Variants in SLX4IP observed in about 807,000 individuals in gnomAD.
The protein encoded by SLX4IP is SLX4 interacting protein.
SLX4IP carries 34 observed loss-of-function variants against 32.9 expected under a neutral mutation model. That is an observed-to-expected ratio of 1.03 (90% CI 0.79 to 1.38). The LOEUF is 1.38. Among genes scored for constraint, SLX4IP ranks in the 40% most tolerant of loss-of-function variants. The pLI is 0.00. For synonymous variants in SLX4IP, 172 were observed against 171.7 expected (o/e 1.00, Z -0.01); for missense variants, 444 against 479.0 (o/e 0.93, Z 0.68).
chr20:10,478,474 T>C (rs1483658256), intron 2 of SLX4IP, among the ~76,000 whole-genome samples: 1 of 152,210 alleles, frequency 6.6e-6, no homozygotes. Context: ...AGGCATATGC[T>C]TTGATGAAGA....
At chr20:10,510,267 T>C (rs1187248907) in intron 2 of SLX4IP, among the ~76,000 whole-genome samples, 2 of 152,252 alleles carry the variant, frequency 1.3e-5, no homozygotes, top group Non-Finnish European at 2.9e-5. Flanking sequence ...ATACTACATC[T>C]GTCATGTCTG....
chr20:10,598,589 T>A, intron 4 of SLX4IP, 86 bp from the exon 5 acceptor site: 2 of 1,189,288 alleles, frequency 1.7e-6, no homozygotes, highest in South Asian at 1.2e-5. Context: ...CTATTGAATG[T>A]GTCTTTTATG....
intron 6 of SLX4IP, 38 bp downstream of exon 6, chr20:10,601,857 T>C: frequency 6.5e-7 from 1 of 1,544,522 alleles, no homozygotes; most frequent in East Asian, 2.2e-5. Context: ...ATAAGTCTGC[T>C]TAAATGCTGA....
At chr20:10,480,308 G>A (rs1403712276) in intron 2 of SLX4IP, among the ~76,000 whole-genome samples, 1 of 152,024 alleles carries the variant, frequency 6.6e-6, no homozygotes, top group African/African-American at 2.4e-5. Context: ...GCCGAGATGG[G>A]AGGATCACCT....
At chr20:10,507,665 A>G (rs913568424) in intron 2 of SLX4IP, among the ~76,000 whole-genome samples, 7 of 152,166 alleles carry the variant, frequency 4.6e-5, no homozygotes, top group Admixed American at 1.3e-4. Context: ...AGGGATAGAC[A>G]CATGGATGCA....
At chr20:10,452,520 G>A (rs1391193178) in intron 1 of SLX4IP, among the ~76,000 whole-genome samples, 1 of 151,938 alleles carries the variant, frequency 6.6e-6, no homozygotes, top group East Asian at 1.9e-4. Flanking sequence ...ACATAAATTA[G>A]CTGGGCGTGG....
At chr20:10,615,431 C>A (rs1411634117) in intron 6 of SLX4IP, among the ~76,000 whole-genome samples, 1 of 152,214 alleles carries the variant, frequency 6.6e-6, no homozygotes, top group Non-Finnish European at 1.5e-5. Context: ...CCCTCATAGT[C>A]TCTTTTCCTG....
At position 10,498,755 on chromosome 20, in the gene SLX4IP, A is replaced by G. The variant is rs918123567; in HGVS notation, c.27+40524A>G. On this transcript the variant is annotated intron_variant, in intron 2 of 7. Transcript: ENST00000334534. ...CTGACACTCTATTGTAATTGAGTCT[A>G]TTGTCCCTTATTCTCAAGATTCAGA... 2.0e-5 allele frequency among the ~76,000 whole-genome samples: 3 copies of G among 149,540 alleles called. No individual in the cohort carries two copies. The South Asian group carries it at 6.3e-4, about 31-fold the overall frequency.
intron 2 of SLX4IP, among the ~76,000 whole-genome samples, chr20:10,509,520 C>T (rs559065396): frequency 2.0e-5 from 3 of 152,138 alleles, no homozygotes; most frequent in East Asian, 1.9e-4. Context: ...CCTCATTTCC[C>T]AAGTGTGGTA....
chr20:10,507,251 G>A (rs1480997371), intron 2 of SLX4IP, among the ~76,000 whole-genome samples: 5 of 152,134 alleles, frequency 3.3e-5, no homozygotes, highest in Non-Finnish European at 7.3e-5. Flanking sequence ...ACTAAAACCC[G>A]GAAGATGTGA....
intron 1 of SLX4IP, among the ~76,000 whole-genome samples, chr20:10,452,783 G>C (rs1041045790): frequency 6.6e-6 from 1 of 151,342 alleles, no homozygotes; most frequent in Non-Finnish European, 1.5e-5. Context: ...TCCAGGAAGT[G>C]GAGGTTGCTG....
At chr20:10,532,619 A>C (rs1462459379) in intron 2 of SLX4IP, among the ~76,000 whole-genome samples, 2 of 152,118 alleles carry the variant, frequency 1.3e-5, no homozygotes, top group Admixed American at 6.6e-5. Context: ...GACATATTGT[A>C]GTGAAAATAA....
intron 2 of SLX4IP, among the ~76,000 whole-genome samples, chr20:10,527,350 T>C (rs1282142913): frequency 6.6e-6 from 1 of 152,116 alleles, no homozygotes; most frequent in Non-Finnish European, 1.5e-5. Flanking sequence ...TAGACACATG[T>C]GGAAGGTGCA....
intron 2 of SLX4IP, among the ~76,000 whole-genome samples, chr20:10,473,805 C>T (rs1475139762): frequency 6.6e-6 from 1 of 151,512 alleles, no homozygotes; most frequent in African/African-American, 2.4e-5. Flanking sequence ...GGGGTTTCAC[C>T]ATGTTGGCCC....
chr20:10,572,538 A>T (rs920614421), intron 4 of SLX4IP, among the ~76,000 whole-genome samples: 3 of 152,166 alleles, frequency 2.0e-5, no homozygotes, highest in Non-Finnish European at 4.4e-5. Context: ...TTTTGTCTAA[A>T]TAGGGTTCAG....
chr20:10,608,107 C>G (rs1017429335), intron 6 of SLX4IP, among the ~76,000 whole-genome samples: 1 of 152,120 alleles, frequency 6.6e-6, no homozygotes, highest in Non-Finnish European at 1.5e-5. Flanking sequence ...TGCAGAGGCC[C>G]GTGATCTCCA....
At chr20:10,467,612 T>C (rs1360627584) in intron 2 of SLX4IP, among the ~76,000 whole-genome samples, 3 of 152,222 alleles carry the variant, frequency 2.0e-5, no homozygotes, top group Non-Finnish European at 2.9e-5. Flanking sequence ...CAAACTAACA[T>C]AGGATGCTGT....
At position 10,627,888 on chromosome 20, in the gene SLX4IP, G is replaced by C. The variant is rs2067191159; in HGVS notation, c.*4509G>C. On this transcript the variant is annotated 3_prime_UTR_variant, in exon 8 of 8. Coordinates refer to ENST00000334534, the MANE Select transcript of SLX4IP (RefSeq NM_001009608.3). ...ACCAAACAGCTATGTAAGTCCCCAGGAGAGCTCTTTTTCCCTTATCTTCTC... is the reference window on the plus strand; with the variant it reads ...ACCAAACAGCTATGTAAGTCCCCAGCAGAGCTCTTTTTCCCTTATCTTCTC... 1 of 152,170 alleles carries C rather than the reference G, an allele frequency of 6.6e-6. No individual in the cohort carries two copies. The highest frequency in any genetic ancestry group is 1.5e-5 in the Non-Finnish European group (1 of 68,030). The allele number at this position is 152,170 out of a possible 1,614,324, so 9.4% of individuals were successfully genotyped here. A position where few individuals can be genotyped will look rare whatever the true frequency, so the allele number is the denominator to read the frequency against.
intron 2 of SLX4IP, among the ~76,000 whole-genome samples, chr20:10,550,802 C>T (rs1449090187): frequency 1.3e-5 from 2 of 152,240 alleles, no homozygotes; most frequent in African/African-American, 2.4e-5. Context: ...GCACTCCTTT[C>T]CCTGTTCCTC....
Sources: gnomAD v4.1 joint callset for allele counts (sites outside exome capture counted in the v4.1 genomes callset) on GRCh38, gnomAD v4.1.1 for gene constraint, MANE v1.5 for transcripts, NCBI Gene and HGNC (gene_info 2026-07-23, HGNC 2026-07-21) for gene names.